TMEM131: variants seen among roughly 807,000 people sequenced by gnomAD.
TMEM131 encodes 2610524E03Rik.
Under a neutral mutation model 211.6 loss-of-function variants are expected in TMEM131, and 66 were observed. That is an observed-to-expected ratio of 0.31 (90% CI 0.26 to 0.38). TMEM131 has a LOEUF of 0.38. Among genes scored for constraint, TMEM131 ranks in the 10% least tolerant of loss-of-function variants. The pLI, the probability that TMEM131 is intolerant of heterozygous loss-of-function variation, is 1.00. For missense variants in TMEM131, 2,036 were observed against 2,299.3 expected (o/e 0.89, Z 2.34); for synonymous variants, 844 against 841.3 (o/e 1.00, Z -0.06).
intron 1 of TMEM131, among the ~76,000 whole-genome samples, chr2:97,954,928 T>C (rs552380414): frequency 6.6e-6 from 1 of 151,894 alleles, no homozygotes; most frequent in African/African-American, 2.4e-5. Context: ...GGGCCAATTT[T>C]ACATAATCTA....
rs1263330544 is a variant in TMEM131 at position 97,995,659 on chromosome 2, C to T, written c.4G>A (p.Gly2Arg). M[G>R]KRAGGGATGA... ...GTTGCTCCTCCTCCCGCCCGCTTCCCCATCCCTGCCGGCCGGGGGCCGCCG... is the reference window on the plus strand; with the variant it reads ...GTTGCTCCTCCTCCCGCCCGCTTCCTCATCCCTGCCGGCCGGGGGCCGCCG... Residue 2 changes from glycine to arginine, a missense_variant, in exon 1 of 41, where the codon GGG becomes AGG. Transcript: ENST00000186436. 1.1e-5 allele frequency: 13 copies of T among 1,208,998 alleles called. No individual in the cohort carries two copies. Among genetic ancestry groups the T allele is most frequent in the Non-Finnish European group, 1.2e-5 (12 of 973,038 alleles). 74.9% of individuals were successfully genotyped at this position (1,208,998 alleles called of 1,614,324 possible).
intron 1 of TMEM131, among the ~76,000 whole-genome samples, chr2:97,976,479 A>T (rs1007135594): frequency 9.9e-5 from 15 of 152,206 alleles, no homozygotes; most frequent in Non-Finnish European, 2.1e-4. Context: ...AAGATACTTT[A>T]AAAATTTTAT....
At chr2:97,938,306 T>G (rs537451130) in intron 1 of TMEM131, among the ~76,000 whole-genome samples, 1 of 152,020 alleles carries the variant, frequency 6.6e-6, no homozygotes, top group Admixed American at 6.6e-5. Context: ...GAGACACACA[T>G]AGGCTCAAAA....
intron 4 of TMEM131, among the ~76,000 whole-genome samples, chr2:97,866,483 C>T (rs565060548): frequency 6.6e-6 from 1 of 152,148 alleles, no homozygotes; most frequent in African/African-American, 2.4e-5. Context: ...AAAGAACCAA[C>T]TTTTGGTTTT....
At chr2:97,900,023 C>T (rs895916001) in intron 3 of TMEM131, among the ~76,000 whole-genome samples, 1 of 152,084 alleles carries the variant, frequency 6.6e-6, no homozygotes, top group Non-Finnish European at 1.5e-5. Flanking sequence ...AATACACCAA[C>T]TTACTTTTAA....
chr2:97,802,785 C>T lies in TMEM131; in HGVS notation c.2408G>A (p.Ser803Asn). 8 of 1,547,122 alleles carry T rather than the reference C, an allele frequency of 5.2e-6. No homozygotes were observed. Among genetic ancestry groups the T allele is most frequent in the Middle Eastern group, 1.8e-4 (1 of 5,562 alleles). ...GIKENSGHRL[S>N]AIFEVNTDLQ... ...GTCTGTATTTACTTCAAATATAGCA[C>T]TCAATCTAGAAAAACAATTTGTAAG... The change falls in exon 23 of 41, where the codon AGT becomes AAT. Residue 803 changes from serine (S) to asparagine (N), a missense_variant. Coordinates refer to ENST00000186436, the MANE Select transcript of TMEM131 (RefSeq NM_015348.2).
At chr2:97,893,143 T>C (rs1361985209) in intron 3 of TMEM131, among the ~76,000 whole-genome samples, 1 of 152,200 alleles carries the variant, frequency 6.6e-6, no homozygotes, top group Admixed American at 6.5e-5. Flanking sequence ...CATGAGGTGT[T>C]TGGTTTTCTG....
At chr2:97,790,184 C>T (rs1384601818) in intron 31 of TMEM131, among the ~76,000 whole-genome samples, 1 of 152,150 alleles carries the variant, frequency 6.6e-6, no homozygotes, top group African/African-American at 2.4e-5. Context: ...AAAGGTTTTG[C>T]CCAGCTGGAA....
chr2:97,802,084 T>G (rs1009790820), intron 24 of TMEM131, 123 bp from the exon 25 acceptor site: 6 of 604,504 alleles, frequency 9.9e-6, no homozygotes, highest in Non-Finnish European at 1.1e-5. Context: ...GAGATCAATA[T>G]GACCAGATTT....
chr2:97,850,900 T>C (rs959857460), intron 5 of TMEM131, among the ~76,000 whole-genome samples: 3 of 152,030 alleles, frequency 2.0e-5, no homozygotes, highest in Non-Finnish European at 2.9e-5. Flanking sequence ...AATGTCTATA[T>C]TCAAACAATA....
intron 1 of TMEM131, among the ~76,000 whole-genome samples, chr2:97,974,890 T>C (rs1416487943): frequency 1.3e-5 from 2 of 152,154 alleles, no homozygotes; most frequent in Non-Finnish European, 2.9e-5. Flanking sequence ...AATACAGATA[T>C]GTGTTTCTCA....
intron 3 of TMEM131, among the ~76,000 whole-genome samples, chr2:97,908,098 T>C (rs1355209211): frequency 1.3e-5 from 2 of 152,168 alleles, no homozygotes; most frequent in Non-Finnish European, 2.9e-5. Flanking sequence ...TCTTTACAGA[T>C]GTGAGAAGGT....
chr2:97,758,785 C>A, intron 40 of TMEM131, 108 bp downstream of exon 40: 2 of 1,408,008 alleles, frequency 1.4e-6, no homozygotes, highest in African/African-American at 1.4e-5. Context: ...CCCTCTGATG[C>A]TGCTGTTTGT....
At chr2:97,941,154 C>A (rs1163886011) in intron 1 of TMEM131, among the ~76,000 whole-genome samples, 1 of 152,140 alleles carries the variant, frequency 6.6e-6, no homozygotes, top group Non-Finnish European at 1.5e-5. Flanking sequence ...GAACAGAGCC[C>A]TCAGAAATAA....
At chr2:97,815,467 T>C (rs1242743344) in intron 12 of TMEM131, among the ~76,000 whole-genome samples, 160 bp from the exon 13 acceptor site, 6 of 152,168 alleles carry the variant, frequency 3.9e-5, no homozygotes, top group African/African-American at 1.4e-4. Context: ...CATCACATTT[T>C]TCATACAAAA....
intron 1 of TMEM131, among the ~76,000 whole-genome samples, chr2:97,930,938 C>G (rs1390169220): frequency 1.1e-5 from 1 of 94,272 alleles, no homozygotes; most frequent in Admixed American, 9.0e-5. Context: ...CCCTATGACA[C>G]AGACATTATG....
At chr2:97,765,847 T>C (rs1679135268) in intron 35 of TMEM131, among the ~76,000 whole-genome samples, 1 of 151,980 alleles carries the variant, frequency 6.6e-6, no homozygotes, top group African/African-American at 2.4e-5. Flanking sequence ...CATTGGGCAG[T>C]GGTGTGCTAG....
At chr2:97,787,076 C>A (rs2104862937) in intron 31 of TMEM131, among the ~76,000 whole-genome samples, 1 of 152,322 alleles carries the variant, frequency 6.6e-6, no homozygotes, top group South Asian at 2.1e-4. Flanking sequence ...ACACCAAAAA[C>A]CATTTCTGAC....
Position 97,871,519 on chromosome 2 carries a change from A to G in TMEM131, c.360-12092T>C, listed in dbSNP as rs986374071. Among the ~76,000 whole-genome samples, 5 of 152,322 alleles carry G rather than the reference A, an allele frequency of 3.3e-5. No homozygotes were observed. In the East Asian group the frequency reaches 9.6e-4, roughly 29 times the overall value. ...CCCAATCACTCCTGTAGGAAGCATT[A>G]CTACTACAGAACCTAAGGTTGGTCT... is the stretch of plus-strand genomic sequence containing the variant. On this transcript the variant is annotated intron_variant, in intron 4 of 40. Transcript: ENST00000186436.
Sources: allele counts gnomAD v4.1 joint callset (sites outside exome capture counted in the v4.1 genomes callset), GRCh38; gene constraint gnomAD v4.1.1; transcripts MANE v1.5; gene names NCBI Gene and HGNC (gene_info 2026-07-23, HGNC 2026-07-21).